RAB21: variants seen among roughly 807,000 people sequenced by gnomAD.
RAB21 encodes the protein RAB21, member RAS oncogene family, also known as ras-related protein Rab-21.
RAB21 carries 13 observed loss-of-function variants against 33.1 expected under a neutral mutation model. That is an observed-to-expected ratio of 0.39 (90% CI 0.26 to 0.62). RAB21 has a LOEUF of 0.62. RAB21 is among the 20% of genes least tolerant of loss of function. RAB21 has a pLI of 0.48. For missense variants in RAB21, 234 were observed against 279.1 expected, an observed-to-expected ratio of 0.84 and a Z score of 1.15; for synonymous variants, 91 against 103.7, an observed-to-expected ratio of 0.88 and a Z score of 0.74.
At chr12:71,784,567 A>G (rs1883255682) in intron 6 of RAB21, among the ~76,000 whole-genome samples, 1 of 151,466 alleles carries the variant, frequency 6.6e-6, no homozygotes, top group South Asian at 2.1e-4. Context: ...CTGTTTTTTG[A>G]AAATATTCTT....
chr12:71,765,243 T>G (rs1314753793), intron 1 of RAB21, among the ~76,000 whole-genome samples: 1 of 152,166 alleles, frequency 6.6e-6, no homozygotes, highest in Non-Finnish European at 1.5e-5. Flanking sequence ...TTGTTGGCTG[T>G]TTGTATATCT....
chr12:71,766,177 A>G (rs1882957948), intron 1 of RAB21, among the ~76,000 whole-genome samples: 1 of 152,164 alleles, frequency 6.6e-6, no homozygotes, highest in Non-Finnish European at 1.5e-5. Context: ...TTACCTGGGC[A>G]TATTGTAGAT....
At chr12:71,755,687 A>C (rs891037488) in intron 1 of RAB21, among the ~76,000 whole-genome samples, 1 of 152,152 alleles carries the variant, frequency 6.6e-6, no homozygotes, top group African/African-American at 2.4e-5. Context: ...TTTGCGAATT[A>C]GGTGATTTGT....
intron 1 of RAB21, among the ~76,000 whole-genome samples, chr12:71,767,485 TGTG>T (rs1408082820): frequency 6.6e-6 from 1 of 152,132 alleles, no homozygotes; most frequent in Non-Finnish European, 1.5e-5. Context: ...AAGTTGTTGT[TGTG>T]GGGTTTTTTT....
At chr12:71,768,018 G>A (rs1199685481) in intron 1 of RAB21, among the ~76,000 whole-genome samples, 1 of 152,080 alleles carries the variant, frequency 6.6e-6, no homozygotes, top group Non-Finnish European at 1.5e-5. Flanking sequence ...AGCATGAATG[G>A]GAGAAGACAT....
rs1247373678 is a variant in RAB21, at chr12:71,792,097, C to G, written c.*6424C>G. On this transcript the variant is annotated 3_prime_UTR_variant, in exon 7 of 7. Coordinates refer to ENST00000261263, the MANE Select transcript of RAB21 (RefSeq NM_014999.4). Reference sequence around the variant, plus strand: ...TTTGTTGCCCAGGCTGGTTTTTGAACTAGTTTCAAAGTGATCCTCCTGCCT... The same window carrying G: ...TTTGTTGCCCAGGCTGGTTTTTGAAGTAGTTTCAAAGTGATCCTCCTGCCT... 6.6e-6 allele frequency: 1 copy of G among 152,128 alleles called. No individual in the cohort carries two copies. The highest frequency in any genetic ancestry group is 2.4e-5 in the African/African-American group (1 of 41,396). The allele number at this position is 152,128 out of a possible 1,614,324, so 9.4% of individuals were successfully genotyped here.
intron 2 of RAB21, 70 bp downstream of exon 2, chr12:71,769,929 G>C: frequency 2.6e-6 from 2 of 779,488 alleles, no homozygotes; most frequent in South Asian, 4.2e-5. Flanking sequence ...AAGTTAATTG[G>C]AGCTTAGCCA....
intron 3 of RAB21, among the ~76,000 whole-genome samples, chr12:71,773,497 G>A (rs1380865167): frequency 2.0e-5 from 3 of 149,656 alleles, no homozygotes; most frequent in African/African-American, 7.5e-5. Flanking sequence ...ATTTTTTTTG[G>A]TGCTTATATA....
chr12:71,770,251 A>G (rs2137647395), intron 2 of RAB21, among the ~76,000 whole-genome samples: 1 of 152,240 alleles, frequency 6.6e-6, no homozygotes, highest in Admixed American at 6.5e-5. Context: ...GTGGGAACTT[A>G]AACTTAGGGC....
At chr12:71,769,938 C>A in intron 2 of RAB21, 79 bp downstream of exon 2, 3 of 652,450 alleles carry the variant, frequency 4.6e-6, no homozygotes, top group East Asian at 3.3e-5. Flanking sequence ...GGAGCTTAGC[C>A]AACACTTTTT....
intron 2 of RAB21, among the ~76,000 whole-genome samples, chr12:71,770,245 G>A (rs926284724): frequency 1.3e-5 from 2 of 152,094 alleles, no homozygotes; most frequent in Non-Finnish European, 2.9e-5. Flanking sequence ...CCCAGTGTGG[G>A]AACTTAAACT....
chr12:71,775,303 G>A (rs1351134435), intron 4 of RAB21, among the ~76,000 whole-genome samples: 2 of 152,198 alleles, frequency 1.3e-5, no homozygotes, highest in African/African-American at 4.8e-5. Flanking sequence ...CTTGCCCAGT[G>A]TCAGGTAGCT....
rs755690537 is a variant in RAB21, at chr12:71,755,140, C to CCGGCGG, written c.24_29dup (p.Gly9_Gly10dup). ...CCGGGAAGCGACGGGATGGCTGCGG[C>CCGGCGG]CGGCGGCGGCGGCGGCGGGGCGGCG... On this transcript the variant is annotated inframe_insertion, in exon 1 of 7. Transcript: ENST00000261263. The CCGGCGG allele has an allele frequency of 2.5e-5, 32 of 1,255,462 alleles. No homozygotes were observed. Among genetic ancestry groups the CCGGCGG allele is most frequent in the South Asian group, 9.3e-5 (3 of 32,138 alleles). 77.8% of individuals were successfully genotyped at this position (1,255,462 alleles called of 1,614,324 possible).
At chr12:71,781,169 CAAAG>C (rs1883193252) in intron 4 of RAB21, among the ~76,000 whole-genome samples, 1 of 152,010 alleles carries the variant, frequency 6.6e-6, no homozygotes, top group Non-Finnish European at 1.5e-5. Context: ...GTTTTTTAAA[CAAAG>C]AATACAGTTT....
rs1223194488 is a variant in RAB21 at position 71,795,879 on chromosome 12, A to G, written c.*10206A>G. The G allele has an allele frequency of 2.2e-5, 3 of 138,170 alleles. No individual in the cohort carries two copies. The highest frequency in any genetic ancestry group is 8.7e-5 in the African/African-American group (3 of 34,392). 8.6% of individuals were successfully genotyped at this position (138,170 alleles called of 1,614,324 possible). ...TTTTTTACTTCTTCAGTTTTTCAAG[A>G]TAATTTTGCTGTTTTTGCTTTTTAT... is the stretch of plus-strand genomic sequence containing the variant. On this transcript the variant is annotated 3_prime_UTR_variant, in exon 7 of 7. Transcript: ENST00000261263.
intron 1 of RAB21, among the ~76,000 whole-genome samples, chr12:71,763,398 A>T (rs1001922350): frequency 2.0e-5 from 3 of 152,200 alleles, no homozygotes; most frequent in Admixed American, 6.5e-5. Flanking sequence ...AATTTGGCAG[A>T]TATATTTTTT....
rs1013378727 is a variant in RAB21, at chr12:71,790,973, AATTT to A, written c.*5309_*5312del. 2 of 151,636 alleles carry A rather than the reference AATTT, an allele frequency of 1.3e-5. No individual in the cohort carries two copies. Among genetic ancestry groups the A allele is most frequent in the Admixed American group, 6.6e-5 (1 of 15,196 alleles). The allele number at this position is 151,636 out of a possible 1,614,324, so 9.4% of individuals were successfully genotyped here. ...GTTAGGTGGATTTCATTAGTATCCAAATTTATTTATTTTTTTATTTCATTTTTTT... is the reference window on the plus strand; with the variant it reads ...GTTAGGTGGATTTCATTAGTATCCAAATTTATTTTTTTATTTCATTTTTTT... On this transcript the variant is annotated 3_prime_UTR_variant, in exon 7 of 7. Transcript: ENST00000261263.
At chr12:71,770,542 C>G in intron 2 of RAB21, 50 bp from the exon 3 acceptor site, 1 of 1,274,448 alleles carries the variant, frequency 7.8e-7, no homozygotes, top group Non-Finnish European at 1.1e-6. Flanking sequence ...GTTGCAATCG[C>G]AGATTTGTAT....
rs971318640 is a variant in RAB21, at chr12:71,766,199, T to C, written c.160-3601T>C. 2.6e-5 allele frequency among the ~76,000 whole-genome samples: 4 copies of C among 152,180 alleles called. No individual in the cohort carries two copies. The East Asian group carries it at 7.7e-4, about 29-fold the overall frequency. On this transcript the variant is annotated intron_variant, in intron 1 of 6. Transcript: ENST00000261263. ...GGCATATTGTAGATGTGCTTATCTATAATAACAGTATTTGATTGTCAATTA... is the reference window on the plus strand; with the variant it reads ...GGCATATTGTAGATGTGCTTATCTACAATAACAGTATTTGATTGTCAATTA...
Sources: allele counts gnomAD v4.1 joint callset (sites outside exome capture counted in the v4.1 genomes callset), GRCh38; gene constraint gnomAD v4.1.1; transcripts MANE v1.5; gene names NCBI Gene and HGNC (gene_info 2026-07-23, HGNC 2026-07-21).